DOCK4: variants seen among roughly 807,000 people sequenced by gnomAD.
DOCK4 encodes the protein dedicator of cytokinesis protein 4.
A neutral mutation model predicts 268.1 loss-of-function variants in DOCK4; 97 were observed. The observed-to-expected ratio is 0.36, with a 90% confidence interval of 0.31 to 0.43. DOCK4 has a LOEUF of 0.43. Among genes scored for constraint, DOCK4 ranks in the 20% least tolerant of loss-of-function variants. The pLI is 1.00. For missense variants in DOCK4, 2,145 were observed against 2,455.7 expected (o/e 0.87, Z 2.67); for synonymous variants, 954 against 887.2 (o/e 1.08, Z -1.34).
rs1403065763 is a variant in DOCK4 at position 111,834,626 on chromosome 7, G to C, written c.2797C>G (p.Gln933Glu). 1.9e-6 allele frequency: 3 copies of C among 1,558,816 alleles called. No homozygotes were observed. The highest frequency in any genetic ancestry group is 2.6e-6 in the Non-Finnish European group (3 of 1,150,608). ...LRQMTDRHYQ[Q>E]LLDSFNTKEE... ...TTTGTATTAAAACTATCAAGAAGCT[G>C]TTGATAATGTCTATCTGTCATTTGT... The change falls in exon 26 of 53, where the codon CAG (glutamine) becomes GAG (glutamate). Residue 933 changes from glutamine (Q) to glutamate (E), a missense_variant. Gln to Glu is a conservative substitution (Grantham distance 29). Coordinates refer to ENST00000428084, the MANE Select transcript of DOCK4 (RefSeq NM_001363540.2).
intron 1 of DOCK4, among the ~76,000 whole-genome samples, chr7:112,195,537 G>A (rs1413282124): frequency 2.0e-5 from 3 of 152,018 alleles, no homozygotes; most frequent in African/African-American, 4.8e-5. Flanking sequence ...GCTACCAGAG[G>A]AGAATGGAGA....
rs187242850 is a variant in DOCK4, at chr7:111,849,160, C to T, written c.2474-2034G>A. ...TCCTTTGTTACTTTGTGAGTTTTGC[C>T]GAATTCTTTGTTCAGAATGCCAAGG... On this transcript the variant is annotated intron_variant, in intron 23 of 52. Coordinates refer to ENST00000428084, the MANE Select transcript of DOCK4 (RefSeq NM_001363540.2). Among the ~76,000 whole-genome samples, 64 of 152,050 alleles carry T rather than the reference C, an allele frequency of 4.2e-4. 1 individual carries two copies. The highest frequency in any genetic ancestry group is 7.2e-5 in the African/African-American group (3 of 41,474).
At chr7:111,800,796 C>T (rs1353749924) in intron 30 of DOCK4, among the ~76,000 whole-genome samples, 1 of 152,160 alleles carries the variant, frequency 6.6e-6, no homozygotes, top group Non-Finnish European at 1.5e-5. Flanking sequence ...TGCTGTTCCC[C>T]CACACGACAC....
At chr7:112,028,676 C>T (rs911104017) in intron 1 of DOCK4, among the ~76,000 whole-genome samples, 4 of 152,102 alleles carry the variant, frequency 2.6e-5, no homozygotes, top group African/African-American at 9.7e-5. Flanking sequence ...ATGAACACTT[C>T]TGATCATCAT....
chr7:111,728,613 G>A lies in DOCK4; in HGVS notation c.5589C>T (p.Leu1863=), dbSNP rs1173802426. The A allele has an allele frequency of 1.9e-6, 3 of 1,613,908 alleles. No homozygotes were observed. In the African/African-American group the frequency reaches 4.0e-5, roughly 22 times the overall value. The change falls in exon 53 of 53, where the codon CTC becomes CTT. Residue 1863 remains leucine, a synonymous_variant. Transcript: ENST00000428084. Reference sequence around the variant, plus strand: ...AGGTTTCCGACGTGCTGCACCGGCTGAGAGAAGAAATCCCACTGCTGTAGC... The same window carrying A: ...AGGTTTCCGACGTGCTGCACCGGCTAAGAGAAGAAATCCCACTGCTGTAGC... ...SGSYSSGISS[L]SRCSTSETSG...
intron 7 of DOCK4, among the ~76,000 whole-genome samples, chr7:111,982,922 T>A (rs1286501966): frequency 6.6e-6 from 1 of 152,122 alleles, no homozygotes; most frequent in Non-Finnish European, 1.5e-5. Context: ...ACTATACGGA[T>A]TATATTTGTT....
At chr7:112,003,921 A>T in intron 2 of DOCK4, 127 bp downstream of exon 2, 1 of 594,816 alleles carries the variant, frequency 1.7e-6, no homozygotes, top group East Asian at 3.2e-5. Context: ...AATGCAGGAA[A>T]CAATTTTGTC....
intron 1 of DOCK4, among the ~76,000 whole-genome samples, chr7:112,080,247 T>C (rs1808457542): frequency 6.6e-6 from 1 of 152,154 alleles, no homozygotes; most frequent in Non-Finnish European, 1.5e-5. Context: ...GTTTTTAGTA[T>C]ATATATGTCA....
chr7:111,767,169 C>T, intron 37 of DOCK4, 51 bp from the exon 38 acceptor site: 2 of 1,486,808 alleles, frequency 1.3e-6, no homozygotes, highest in East Asian at 2.3e-5. Context: ...TATCCACTTA[C>T]TTCTACCCAA....
chr7:112,094,784 C>A (rs1400141708), intron 1 of DOCK4, among the ~76,000 whole-genome samples: 1 of 152,034 alleles, frequency 6.6e-6, no homozygotes, highest in Non-Finnish European at 1.5e-5. Context: ...GGGGATGGAT[C>A]CCTCATGGCT....
chr7:111,926,619 G>C (rs537786427), intron 12 of DOCK4, among the ~76,000 whole-genome samples: 1 of 150,408 alleles, frequency 6.6e-6, no homozygotes, highest in African/African-American at 2.5e-5. Context: ...TCAGGAGATC[G>C]AGACTATCCT....
At chr7:111,841,168 T>C (rs1235188376) in intron 25 of DOCK4, among the ~76,000 whole-genome samples, 1 of 151,964 alleles carries the variant, frequency 6.6e-6, no homozygotes, top group African/African-American at 2.4e-5. Flanking sequence ...TTTATTTATT[T>C]ATTTATTTAT....
chr7:111,730,449 T>A (rs1029059824), intron 52 of DOCK4, among the ~76,000 whole-genome samples: 1 of 152,222 alleles, frequency 6.6e-6, no homozygotes, highest in Non-Finnish European at 1.5e-5. Context: ...TTGGTTTCTC[T>A]TTGTAAACAA....
chr7:111,895,461 A>T (rs997777725), intron 16 of DOCK4, 151 bp downstream of exon 16: 1 of 739,118 alleles, frequency 1.4e-6, no homozygotes, highest in Admixed American at 2.5e-5. Context: ...CAATATAGAA[A>T]CAATACTTTG....
At chr7:111,937,450 A>C (rs1345390519) in intron 11 of DOCK4, among the ~76,000 whole-genome samples, 3 of 152,218 alleles carry the variant, frequency 2.0e-5, no homozygotes, top group Non-Finnish European at 2.9e-5. Flanking sequence ...AATAAAAAAA[A>C]ACACAAAGAG....
At chr7:111,729,862 G>A (rs1159050147) in intron 52 of DOCK4, among the ~76,000 whole-genome samples, 1 of 152,230 alleles carries the variant, frequency 6.6e-6, no homozygotes, top group East Asian at 1.9e-4. Context: ...AGCCCTCGGG[G>A]CTGTAGCCTG....
intron 41 of DOCK4, among the ~76,000 whole-genome samples, chr7:111,757,770 G>A (rs1366070486): frequency 6.6e-6 from 1 of 152,178 alleles, no homozygotes; most frequent in Non-Finnish European, 1.5e-5. Flanking sequence ...TGAGACAATC[G>A]TGTTAGGAGC....
At chr7:111,989,191 G>A in intron 5 of DOCK4, 28 bp from the exon 6 acceptor site, 25 of 1,613,040 alleles carry the variant, frequency 1.5e-5, no homozygotes, top group Non-Finnish European at 2.1e-5. Context: ...GTGGAGATTT[G>A]GCAGTCAGTA....
intron 10 of DOCK4, 44 bp from the exon 11 acceptor site, chr7:111,940,286 T>C (rs751780954): frequency 1.1e-5 from 17 of 1,612,770 alleles, no homozygotes; most frequent in South Asian, 1.1e-5. Flanking sequence ...AGCCATTTGA[T>C]TAGATGCATC....
Sources: allele counts gnomAD v4.1 joint callset (sites outside exome capture counted in the v4.1 genomes callset), GRCh38; gene constraint gnomAD v4.1.1; transcripts MANE v1.5; gene names NCBI Gene and HGNC (gene_info 2026-07-23, HGNC 2026-07-21).